ARHGEF7: variants seen among roughly 807,000 people sequenced by gnomAD.
ARHGEF7 encodes PAK-interacting exchange factor beta.
Under a neutral mutation model 109.8 loss-of-function variants are expected in ARHGEF7, and 33 were observed. That is an observed-to-expected ratio of 0.30 (90% CI 0.23 to 0.40). The LOEUF is 0.40. ARHGEF7 is among the 10% of genes least tolerant of loss of function. The pLI is 1.00. For synonymous variants in ARHGEF7, 458 were observed against 424.6 expected, an observed-to-expected ratio of 1.08 and a Z score of -0.97; for missense variants, 938 against 1,098.5, an observed-to-expected ratio of 0.85 and a Z score of 2.07.
chr13:111,208,581 C>T (rs903955157), intron 3 of ARHGEF7, among the ~76,000 whole-genome samples: 2 of 152,106 alleles, frequency 1.3e-5, no homozygotes, highest in Admixed American at 6.5e-5. Flanking sequence ...ATGAGAATTT[C>T]CTGGAAGGCT....
chr13:111,214,380 G>A (rs912678008), intron 4 of ARHGEF7, among the ~76,000 whole-genome samples: 21 of 152,202 alleles, frequency 1.4e-4, no homozygotes, highest in Non-Finnish European at 2.8e-4. Context: ...GGCCTGCTGC[G>A]CCTGCGTTGC....
At chr13:111,186,708 A>T in intron 2 of ARHGEF7, 1 of 599,348 alleles carries the variant, frequency 1.7e-6, no homozygotes, top group Non-Finnish European at 2.1e-6. Flanking sequence ...TGTGCTAAAA[A>T]TAACAATTTC....
chr13:111,158,310 A>C (rs1318662789), intron 2 of ARHGEF7, among the ~76,000 whole-genome samples: 1 of 152,220 alleles, frequency 6.6e-6, no homozygotes. Flanking sequence ...ATTTCAGATG[A>C]AACTGGGTGA....
chr13:111,188,570 C>T (rs936027965), intron 2 of ARHGEF7, among the ~76,000 whole-genome samples: 14 of 152,142 alleles, frequency 9.2e-5, no homozygotes, highest in Admixed American at 3.3e-4. Context: ...CCTTCAGGGC[C>T]GACTTGCATT....
At chr13:111,223,483 CT>C (rs2084752640) in intron 5 of ARHGEF7, among the ~76,000 whole-genome samples, 1 of 152,164 alleles carries the variant, frequency 6.6e-6, no homozygotes, top group Non-Finnish European at 1.5e-5. Context: ...CTAAATGGCA[CT>C]TTTTTAGGCT....
chr13:111,268,934 A>G (rs531331066), intron 9 of ARHGEF7, among the ~76,000 whole-genome samples: 18 of 152,324 alleles, frequency 1.2e-4, no homozygotes, highest in Admixed American at 5.2e-4. Flanking sequence ...AAGGATTAAG[A>G]TTTTTTGAAC....
rs1322561561 is a variant in ARHGEF7, at chr13:111,280,654, C to G, written c.1702C>G (p.Pro568Ala). 2 of 1,604,508 alleles carry G rather than the reference C, an allele frequency of 1.2e-6. No individual in the cohort carries two copies. Among genetic ancestry groups the G allele is most frequent in the Non-Finnish European group, 1.7e-6 (2 of 1,176,090 alleles). The change falls in exon 15 of 22, where the codon CCT becomes GCT. Residue 568 changes from proline (P) to alanine (A), a missense_variant. Physicochemically the swap from Pro to Ala is conservative, Grantham distance 27. Around this residue, in one of 4 missense-constraint regions of ARHGEF7, gnomAD observed 585 missense variants for 723.6 expected, o/e 0.81. Transcript: ENST00000646102. ...GTCTGTGGGAAACCCCACCATAAAG[C>G]CTCATTCAGTGCCATCTCATACCGT... is the stretch of plus-strand genomic sequence containing the variant. The part of the protein sequence containing the change: ...VTSVGNPTIK[P>A]HSVPSHTLPS...
In ARHGEF7 at chr13:111,219,652, T is replaced by C. The variant is rs553367940; in HGVS notation, c.670+1772T>C. Among the ~76,000 whole-genome samples, 3 of 152,250 alleles carry C rather than the reference T, an allele frequency of 2.0e-5. No homozygotes were observed. The South Asian group carries it at 6.2e-4, about 32-fold the overall frequency. On this transcript the variant is annotated intron_variant, in intron 5 of 21. Coordinates refer to ENST00000646102, the MANE Select transcript of ARHGEF7 (RefSeq NM_001354046.2). ...CTGTGTTCTCGCCAACTTGTTTTTT[T>C]TTTTCTTAAAGTAATAGCCATCCTG...
rs2083993032 is a variant in ARHGEF7, at chr13:111,221,342, T to TATATAG, written c.670+3467_670+3468insGATATA. The stretch of plus-strand genomic sequence containing the variant: ...ATAGATATATATGTCTATATATATC[T>TATATAG]ATATATATGTCTATATATATATCTA... On this transcript the variant is annotated intron_variant, in intron 5 of 21. Transcript: ENST00000646102. 2.3e-4 allele frequency among the ~76,000 whole-genome samples: 3 copies of TATATAG among 13,028 alleles called. 1 individual carries two copies. Among genetic ancestry groups the TATATAG allele is most frequent in the African/African-American group, 3.8e-4 (2 of 5,248 alleles). The allele number at this position is 13,028 out of a possible 152,430, so 8.5% of individuals were successfully genotyped here. A position where few individuals can be genotyped will look rare whatever the true frequency, so the allele number is the denominator to read the frequency against.
intron 1 of ARHGEF7, chr13:111,153,534 A>T: frequency 1.3e-6 from 1 of 783,934 alleles, no homozygotes; most frequent in Non-Finnish European, 1.6e-6. Context: ...ACTGGGCCAG[A>T]GGAGGTGGCA....
intron 19 of ARHGEF7, among the ~76,000 whole-genome samples, chr13:111,297,328 G>T (rs1232956707): frequency 6.6e-6 from 1 of 152,188 alleles, no homozygotes; most frequent in Non-Finnish European, 1.5e-5. Flanking sequence ...TCACATTGGT[G>T]CATTTCAGGA....
chr13:111,215,253 T>TA (rs138979308), intron 4 of ARHGEF7, among the ~76,000 whole-genome samples: 3,618 of 152,170 alleles, frequency 0.024, 73 homozygotes, highest in Middle Eastern at 0.11. Context: ...GGATAGTTGT[T>TA]AAGTTTGGTG....
chr13:111,174,747 C>T (rs146174828), intron 2 of ARHGEF7, among the ~76,000 whole-genome samples: 43 of 152,318 alleles, frequency 2.8e-4, no homozygotes, highest in Non-Finnish European at 4.6e-4. Context: ...GCTGTGCTAG[C>T]GGTCTGGTCC....
At chr13:111,271,658 A>C (rs1464066248) in intron 9 of ARHGEF7, among the ~76,000 whole-genome samples, 1 of 152,204 alleles carries the variant, frequency 6.6e-6, no homozygotes, top group African/African-American at 2.4e-5. Flanking sequence ...TCTCACAAAG[A>C]CAGACACCAC....
At chr13:111,139,205 A>G (rs996793202) in intron 1 of ARHGEF7, among the ~76,000 whole-genome samples, 1 of 152,226 alleles carries the variant, frequency 6.6e-6, no homozygotes, top group Admixed American at 6.5e-5. Flanking sequence ...GGAGGGGCTC[A>G]GTGTAGACAA....
chr13:111,279,347 TC>T (rs1274982982), intron 13 of ARHGEF7, among the ~76,000 whole-genome samples: 2 of 152,062 alleles, frequency 1.3e-5, no homozygotes, highest in Admixed American at 6.6e-5. Flanking sequence ...GGTGAGACTG[TC>T]CTGGGCACTG....
intron 17 of ARHGEF7, among the ~76,000 whole-genome samples, chr13:111,286,954 C>G (rs1330931282): frequency 6.6e-6 from 1 of 152,144 alleles, no homozygotes. Flanking sequence ...TCTGCCCTGC[C>G]CCGCCCCTGT....
chr13:111,257,896 C>T (rs1195287005), intron 8 of ARHGEF7, among the ~76,000 whole-genome samples: 1 of 152,252 alleles, frequency 6.6e-6, no homozygotes, highest in Non-Finnish European at 1.5e-5. Flanking sequence ...GAAGGCTAGT[C>T]CCTGGTCCCA....
At chr13:111,278,549 G>A (rs1451413106) in intron 13 of ARHGEF7, among the ~76,000 whole-genome samples, 1 of 152,106 alleles carries the variant, frequency 6.6e-6, no homozygotes, top group East Asian at 1.9e-4. Flanking sequence ...GTGGCCATAC[G>A]CTTACACCAA....
Sources: allele counts gnomAD v4.1 joint callset (sites outside exome capture counted in the v4.1 genomes callset), GRCh38; gene constraint gnomAD v4.1.1; regional missense constraint gnomAD v4.1.1; transcripts MANE v1.5; gene names NCBI Gene and HGNC (gene_info 2026-07-23, HGNC 2026-07-21).